Variants in NOS1AP observed in about 807,000 individuals in gnomAD.
The protein encoded by NOS1AP is nitric oxide synthase 1 adaptor protein.
Under a neutral mutation model 56.2 loss-of-function variants are expected in NOS1AP, and 21 were observed. The observed-to-expected ratio is 0.37, with a 90% CI of 0.26 to 0.54. NOS1AP has a LOEUF of 0.54. Among genes scored for constraint, NOS1AP ranks in the 20% least tolerant of loss-of-function variants. The pLI is 0.84. For missense variants in NOS1AP, 522 were observed against 657.8 expected (o/e 0.79, Z 2.26); for synonymous variants, 270 against 274.6 (o/e 0.98, Z 0.17).
chr1:162,212,750 G>A (rs1333553740), intron 2 of NOS1AP, among the ~76,000 whole-genome samples: 2 of 152,204 alleles, frequency 1.3e-5, no homozygotes, highest in African/African-American at 2.4e-5. Context: ...GGATAGCCAT[G>A]AGATGGCTGT....
intron 2 of NOS1AP, among the ~76,000 whole-genome samples, chr1:162,217,104 C>G (rs1363475965): frequency 1.3e-5 from 2 of 151,900 alleles, no homozygotes; most frequent in African/African-American, 4.8e-5. Flanking sequence ...TTGTGTGATG[C>G]ATACACCTAG....
intron 1 of NOS1AP, among the ~76,000 whole-genome samples, chr1:162,074,919 C>G (rs1172807363): frequency 6.6e-6 from 1 of 152,100 alleles, no homozygotes; most frequent in Admixed American, 6.6e-5. Flanking sequence ...GGGGGTGTTC[C>G]AAGCAGGAAA....
Position 162,252,757 on chromosome 1 carries a change from A to G in NOS1AP, c.178-34587A>G, listed in dbSNP as rs1234639602. On this transcript the variant is annotated intron_variant, in intron 2 of 9. Coordinates refer to ENST00000361897, the MANE Select transcript of NOS1AP (RefSeq NM_014697.3). ...TCCCTTATAGCTGTGTATTCAATAT[A>G]ATAGCCACTAGCTAAGTGTGGCAAT... 3.9e-5 allele frequency among the ~76,000 whole-genome samples: 6 copies of G among 152,212 alleles called. No homozygotes were observed. The East Asian group carries it at 1.2e-3, about 29-fold the overall frequency.
intron 8 of NOS1AP, chr1:162,363,940 G>A (rs1211190316): frequency 1.0e-6 from 1 of 985,376 alleles, no homozygotes; most frequent in East Asian, 1.1e-4. Context: ...TCAGAAATAG[G>A]GTCAACGGCA....
chr1:162,362,350 A>G (rs997685015), intron 8 of NOS1AP, among the ~76,000 whole-genome samples: 6 of 151,742 alleles, frequency 4.0e-5, no homozygotes, highest in African/African-American at 1.5e-4. Context: ...GTTTGGGAGG[A>G]TGAGGCAGGA....
chr1:162,080,117 T>C (rs1352026298), intron 1 of NOS1AP, among the ~76,000 whole-genome samples: 1 of 152,232 alleles, frequency 6.6e-6, no homozygotes, highest in Admixed American at 6.5e-5. Context: ...AGAAGGAATC[T>C]TCTATCATGG....
At chr1:162,252,661 C>T (rs1350807825) in intron 2 of NOS1AP, among the ~76,000 whole-genome samples, 2 of 152,026 alleles carry the variant, frequency 1.3e-5, no homozygotes, top group Non-Finnish European at 2.9e-5. Flanking sequence ...TCTATTAATC[C>T]CTGGTTTCTT....
chr1:162,136,042 A>C (rs960004613), intron 1 of NOS1AP, among the ~76,000 whole-genome samples: 1 of 152,206 alleles, frequency 6.6e-6, no homozygotes, highest in Non-Finnish European at 1.5e-5. Context: ...TATAGAAGCA[A>C]GTGAAAACAT....
intron 2 of NOS1AP, among the ~76,000 whole-genome samples, chr1:162,155,148 G>A (rs1389011296): frequency 1.3e-5 from 2 of 151,500 alleles, no homozygotes; most frequent in African/African-American, 4.8e-5. Flanking sequence ...GGAGGGTGGA[G>A]CTAGTTAACA....
chr1:162,110,957 C>A (rs1647685233), intron 1 of NOS1AP, among the ~76,000 whole-genome samples: 1 of 152,204 alleles, frequency 6.6e-6, no homozygotes, highest in Non-Finnish European at 1.5e-5. Context: ...CATTCAATAG[C>A]AGATATTTAT....
intron 4 of NOS1AP, among the ~76,000 whole-genome samples, chr1:162,332,729 A>ATGT (rs1248264837): frequency 6.6e-6 from 1 of 152,190 alleles, no homozygotes; most frequent in Admixed American, 6.5e-5. Context: ...CTAACATACA[A>ATGT]GTTACAGGGA....
At chr1:162,265,368 T>A (rs373948940) in intron 2 of NOS1AP, among the ~76,000 whole-genome samples, 4 of 141,512 alleles carry the variant, frequency 2.8e-5, no homozygotes, top group South Asian at 5.0e-4. Context: ...CCTAATGCTA[T>A]CCCTCCCCCC....
In NOS1AP at chr1:162,236,757, C is replaced by T. The variant is rs77208724; in HGVS notation, c.178-50587C>T. Among the ~76,000 whole-genome samples, 1,337 of 152,176 alleles carry T rather than the reference C, an allele frequency of 8.8e-3. 11 individuals are homozygous for T. Among genetic ancestry groups the T allele is most frequent in the Non-Finnish European group, 0.014 (955 of 68,010 alleles). On this transcript the variant is annotated intron_variant, in intron 2 of 9. Transcript: ENST00000361897. ...GGTTAGAAATGTTGTCTCTATAAATCGAAACCCATAGTTCACAGGCCAGTC... is the reference window on the plus strand; with the variant it reads ...GGTTAGAAATGTTGTCTCTATAAATTGAAACCCATAGTTCACAGGCCAGTC...
intron 2 of NOS1AP, among the ~76,000 whole-genome samples, chr1:162,230,768 T>C (rs1653096734): frequency 6.6e-6 from 1 of 152,262 alleles, no homozygotes; most frequent in Admixed American, 6.5e-5. Context: ...GTAATGGGCT[T>C]ATTTCACTTA....
chr1:162,309,490 T>G (rs1339588976), intron 4 of NOS1AP, among the ~76,000 whole-genome samples: 1 of 152,220 alleles, frequency 6.6e-6, no homozygotes, highest in Non-Finnish European at 1.5e-5. Flanking sequence ...GTGCTGAAGC[T>G]TAGAAAGTAC....
intron 2 of NOS1AP, among the ~76,000 whole-genome samples, chr1:162,179,393 G>T (rs1050557793): frequency 4.6e-5 from 7 of 152,150 alleles, no homozygotes; most frequent in African/African-American, 1.7e-4. Flanking sequence ...TTTATAATCT[G>T]TGTTCTTATT....
intron 1 of NOS1AP, among the ~76,000 whole-genome samples, chr1:162,094,610 G>C (rs1692198327): frequency 6.6e-6 from 1 of 152,318 alleles, no homozygotes; most frequent in East Asian, 1.9e-4. Flanking sequence ...CCTGAACCTG[G>C]CTGGGAAGTG....
intron 2 of NOS1AP, among the ~76,000 whole-genome samples, chr1:162,172,961 AC>A (rs1163893236): frequency 3.3e-5 from 5 of 150,560 alleles, no homozygotes; most frequent in South Asian, 2.1e-4. Context: ...TCAGTCTGTC[AC>A]CCAGGCTGGA....
intron 1 of NOS1AP, among the ~76,000 whole-genome samples, chr1:162,110,169 A>G (rs1334565186): frequency 6.6e-6 from 1 of 151,970 alleles, no homozygotes; most frequent in African/African-American, 2.4e-5. Flanking sequence ...ATTAAATTCT[A>G]CATGTCGGTT....
Sources: allele counts gnomAD v4.1 joint callset (sites outside exome capture counted in the v4.1 genomes callset), GRCh38; gene constraint gnomAD v4.1.1; transcripts MANE v1.5; gene names NCBI Gene and HGNC (gene_info 2026-07-23, HGNC 2026-07-21).